FNTB: variants seen among roughly 807,000 people sequenced by gnomAD.
FNTB encodes protein farnesyltransferase subunit beta.
In FNTB, 27 loss-of-function variants were observed where a neutral mutation model predicts 59.4. That is an observed-to-expected ratio of 0.45 (90% CI 0.34 to 0.63). FNTB has a LOEUF of 0.63. Among genes scored for constraint, FNTB ranks in the 20% least tolerant of loss-of-function variants. The probability of loss-of-function intolerance (pLI) is 0.02; values close to 1 mark genes in which losing one functional copy is unlikely to be tolerated. For missense variants in FNTB, 449 were observed against 559.6 expected (o/e 0.80, Z 1.99); for synonymous variants, 230 against 220.7 (o/e 1.04, Z -0.37).
intron 4 of FNTB, among the ~76,000 whole-genome samples, chr14:65,020,935 G>A (rs912115232): frequency 6.6e-6 from 1 of 151,606 alleles, no homozygotes; most frequent in African/African-American, 2.4e-5. Context: ...TCAACATGTT[G>A]GCCAGGCTGG....
chr14:65,050,760 A>C (rs2062588631), intron 9 of FNTB, among the ~76,000 whole-genome samples: 1 of 152,268 alleles, frequency 6.6e-6, no homozygotes, highest in Non-Finnish European at 1.5e-5. Context: ...AGAGTAGTCT[A>C]TAAATTCTTA....
intron 8 of FNTB, among the ~76,000 whole-genome samples, chr14:65,043,217 T>A (rs1245273103): frequency 1.3e-5 from 2 of 152,178 alleles, no homozygotes; most frequent in East Asian, 3.8e-4. Context: ...GCCAGTTGGT[T>A]CTGCTCATTC....
Position 65,032,559 on chromosome 14 carries a change from T to C in FNTB, c.606-51T>C. The stretch of plus-strand genomic sequence containing the variant: ...GTCCGCCCGCGGAGTTCACTGAGCC[T>C]CATTAGCTCTTCCGTAGAGCTTAAT... On this transcript the variant is annotated intron_variant, in intron 6 of 11. Transcript: ENST00000246166. This position sits in a 1 kb window ranked among gnomAD's most constrained non-coding sequence, Gnocchi z 5.0. 6.3e-7 allele frequency: 1 copy of C among 1,599,026 alleles called. No homozygotes were observed. The highest frequency in any genetic ancestry group is 8.5e-7 in the Non-Finnish European group (1 of 1,172,898).
At chr14:65,021,732 A>G (rs2061889415) in intron 4 of FNTB, among the ~76,000 whole-genome samples, 1 of 151,986 alleles carries the variant, frequency 6.6e-6, no homozygotes, top group African/African-American at 2.4e-5. Flanking sequence ...TGCAACTTCC[A>G]CCTTCCGGGT....
chr14:65,021,128 T>C (rs1366945675), intron 4 of FNTB, among the ~76,000 whole-genome samples: 1 of 152,250 alleles, frequency 6.6e-6, no homozygotes, highest in Non-Finnish European at 1.5e-5. Flanking sequence ...TTGCTTTGCT[T>C]AATGGTTTTG....
chr14:65,037,402 CCTTTTTTTTTTTTTTTTTT>C lies in FNTB; in HGVS notation c.693-3387_693-3369del, dbSNP rs1226308026. Reference sequence around the variant, plus strand: ...ATAGGCGTGAGCCACCACGCCGGGCCCTTTTTTTTTTTTTTTTTTTTTTTTTTTTTTTTTTTTTTTTTTT... The same window carrying C: ...ATAGGCGTGAGCCACCACGCCGGGCCTTTTTTTTTTTTTTTTTTTTTTTTT... On this transcript the variant is annotated intron_variant, in intron 7 of 11. Transcript: ENST00000246166. Among the ~76,000 whole-genome samples the C allele has an allele frequency of 2.7e-3, 39 of 14,536 alleles. 4 individuals are homozygous for C. The highest frequency in any genetic ancestry group is 9.3e-3 in the African/African-American group (32 of 3,446). The allele number at this position is 14,536 out of a possible 152,430, so 9.5% of individuals were successfully genotyped here.
Position 65,001,530 on chromosome 14 carries a change from C to T in FNTB, c.145-2719C>T, listed in dbSNP as rs977852060. Among the ~76,000 whole-genome samples the T allele has an allele frequency of 4.6e-5, 7 of 152,040 alleles. No individual in the cohort carries two copies. The highest frequency in any genetic ancestry group is 1.4e-4 in the African/African-American group (6 of 41,390). On this transcript the variant is annotated intron_variant, in intron 1 of 11. Transcript: ENST00000246166. This position sits in a 1 kb window ranked among gnomAD's most constrained non-coding sequence, Gnocchi z 5.5. ...AATGTATCCCTGTAGTTAAGCTACTCGTGATTATATGGGAGGGTTGTATAG... is the reference window on the plus strand; with the variant it reads ...AATGTATCCCTGTAGTTAAGCTACTTGTGATTATATGGGAGGGTTGTATAG...
Position 64,991,453 on chromosome 14 carries a change from A to T in FNTB, c.144+4356A>T, listed in dbSNP as rs1467869054. Among the ~76,000 whole-genome samples the T allele has an allele frequency of 1.3e-4, 20 of 151,928 alleles. No individual in the cohort carries two copies. The stretch of plus-strand genomic sequence containing the variant: ...CTCATCTCTACTAAAAAAATACAAA[A>T]ATTAGCTAGGCGTGGTGGTGTGCAC... On this transcript the variant is annotated intron_variant, in intron 1 of 11. Coordinates refer to ENST00000246166, the MANE Select transcript of FNTB (RefSeq NM_002028.4). The surrounding 1 kb of genome is among the most constrained non-coding windows in gnomAD (Gnocchi z 4.4).
intron 2 of FNTB, among the ~76,000 whole-genome samples, chr14:65,006,716 C>T (rs1292142691): frequency 6.6e-6 from 1 of 152,206 alleles, no homozygotes; most frequent in Non-Finnish European, 1.5e-5. Context: ...TTTGACATTC[C>T]CTTTTCACTT....
intron 7 of FNTB, among the ~76,000 whole-genome samples, chr14:65,037,998 CA>C (rs1481855110): frequency 4.0e-5 from 6 of 151,546 alleles, no homozygotes. Flanking sequence ...CTCCTGACCT[CA>C]AATGATCCTC....
In FNTB at chr14:65,027,609, A is replaced by T. The variant is rs759757611; in HGVS notation, c.521+10A>T. 7 of 1,614,140 alleles carry T rather than the reference A, an allele frequency of 4.3e-6. No homozygotes were observed. The Admixed American group carries it at 1.2e-4, about 27-fold the overall frequency. ...ATGACATCATTAACAGGTACAGTGA[A>T]AGCCAGCAGTGACAGAAACCTAGAG... On this transcript the variant is annotated intron_variant, in intron 5 of 11. Transcript: ENST00000246166. This position sits in a 1 kb window ranked among gnomAD's most constrained non-coding sequence, Gnocchi z 5.7.
chr14:65,004,797 G>A (rs574275829), intron 2 of FNTB, among the ~76,000 whole-genome samples: 1 of 152,120 alleles, frequency 6.6e-6, no homozygotes, highest in African/African-American at 2.4e-5. Context: ...CAAGAAGCTG[G>A]GATTACAGGC....
At chr14:65,052,536 C>T (rs1566576647) in intron 9 of FNTB, among the ~76,000 whole-genome samples, 1 of 152,184 alleles carries the variant, frequency 6.6e-6, no homozygotes, top group Non-Finnish European at 1.5e-5. Context: ...CCCTCCTTCC[C>T]ACTTGATAAC....
At chr14:65,004,366 A>G in intron 2 of FNTB, 53 bp downstream of exon 2, 1 of 1,573,496 alleles carries the variant, frequency 6.4e-7, no homozygotes, top group East Asian at 2.3e-5. Context: ...ACCATGCAGC[A>G]GCCTTTCTTC....
intron 9 of FNTB, 61 bp from the exon 10 acceptor site, chr14:65,053,177 T>C: frequency 8.0e-7 from 1 of 1,248,876 alleles, no homozygotes; most frequent in Non-Finnish European, 1.0e-6. Flanking sequence ...GAAAGTGGAA[T>C]TAGGTCATTG....
At position 65,009,139 on chromosome 14, in the gene FNTB, T is replaced by C. The variant is rs2061644688; in HGVS notation, c.210-3178T>C. Among the ~76,000 whole-genome samples the C allele has an allele frequency of 6.6e-6, 1 of 152,068 alleles. No homozygotes were observed. The highest frequency in any genetic ancestry group is 2.4e-5 in the African/African-American group (1 of 41,400). On this transcript the variant is annotated intron_variant, in intron 2 of 11. Transcript: ENST00000246166. This position sits in a 1 kb window ranked among gnomAD's most constrained non-coding sequence, Gnocchi z 4.2. ...CACAGAAAAGATTTTTGGATAGAGG[T>C]GAGTTGAGAATGAAGGACCGGTGAG...
intron 1 of FNTB, among the ~76,000 whole-genome samples, chr14:64,996,766 CTTTT>C (rs34327825): frequency 2.1e-5 from 2 of 94,448 alleles, no homozygotes; most frequent in Non-Finnish European, 4.2e-5. Flanking sequence ...TTGCTAACAT[CTTTT>C]TTTTTTTTTT....
chr14:64,997,752 G>A lies in FNTB; in HGVS notation c.145-6497G>A, dbSNP rs576143892. On this transcript the variant is annotated intron_variant, in intron 1 of 11. Transcript: ENST00000246166. This position sits in a 1 kb window ranked among gnomAD's most constrained non-coding sequence, Gnocchi z 4.5. ...AACAAGGATAAGGTTTGTTATGCAG[G>A]TTTAGGCAGGTGCCTTCTCCATTGG... Among the ~76,000 whole-genome samples the A allele has an allele frequency of 2.0e-5, 3 of 152,346 alleles. No homozygotes were observed. Among genetic ancestry groups the A allele is most frequent in the Non-Finnish European group, 4.4e-5 (3 of 68,030 alleles).
rs946344565 is a variant in FNTB, at chr14:64,994,898, G to C, written c.144+7801G>C. 2.6e-5 allele frequency among the ~76,000 whole-genome samples: 4 copies of C among 151,974 alleles called. No homozygotes were observed. The highest frequency in any genetic ancestry group is 9.7e-5 in the African/African-American group (4 of 41,356). On this transcript the variant is annotated intron_variant, in intron 1 of 11. Transcript: ENST00000246166. The surrounding 1 kb of genome is among the most constrained non-coding windows in gnomAD (Gnocchi z 4.2). ...TTCTTTCAATAATAAATTAAACCTAGCTTACTGTAAATTATTTACTTCATG... is the reference window on the plus strand; with the variant it reads ...TTCTTTCAATAATAAATTAAACCTACCTTACTGTAAATTATTTACTTCATG...
Sources: gnomAD v4.1 joint callset for allele counts (sites outside exome capture counted in the v4.1 genomes callset) on GRCh38, gnomAD v4.1.1 for gene constraint, Gnocchi (gnomAD v3.1) non-coding constraint, MANE v1.5 for transcripts, NCBI Gene and HGNC (gene_info 2026-07-23, HGNC 2026-07-21) for gene names.